Variants in CCSER1 observed in about 807,000 individuals in gnomAD.
The protein encoded by CCSER1 is serine-rich coiled-coil domain-containing protein 1.
In CCSER1, 41 loss-of-function variants were observed where a neutral mutation model predicts 82.0. That is an observed-to-expected ratio of 0.50 (90% CI 0.39 to 0.65). CCSER1 has a LOEUF of 0.65. Ranked by LOEUF, CCSER1 falls within the 30% of genes least tolerant of loss-of-function variation. The pLI is 0.00. For missense variants in CCSER1, 1,119 were observed against 1,064.2 expected, an observed-to-expected ratio of 1.05 and a Z score of -0.72; for synonymous variants, 414 against 383.9, an observed-to-expected ratio of 1.08 and a Z score of -0.92.
chr4:91,425,261 A>C (rs1283840031), intron 10 of CCSER1, among the ~76,000 whole-genome samples: 1 of 152,022 alleles, frequency 6.6e-6, no homozygotes, highest in East Asian at 1.9e-4. Context: ...GGAACTTTAA[A>C]CTTTTTTATC....
chr4:90,378,600 T>G (rs767114692), intron 3 of CCSER1, among the ~76,000 whole-genome samples: 3 of 152,158 alleles, frequency 2.0e-5, no homozygotes, highest in Non-Finnish European at 4.4e-5. Flanking sequence ...GAACCAGCAT[T>G]GAGGACATAA....
chr4:90,794,276 C>T (rs1169069205), intron 7 of CCSER1, among the ~76,000 whole-genome samples: 2 of 152,088 alleles, frequency 1.3e-5, no homozygotes, highest in Non-Finnish European at 2.9e-5. Context: ...AGTTGTCTTC[C>T]ATGGCTTTTA....
chr4:90,874,247 G>T (rs1021710738), intron 8 of CCSER1, among the ~76,000 whole-genome samples: 1 of 152,004 alleles, frequency 6.6e-6, no homozygotes, highest in Non-Finnish European at 1.5e-5. Flanking sequence ...TTTTCTTATG[G>T]TATGATTTCA....
chr4:90,758,213 A>G (rs1245478418), intron 7 of CCSER1, among the ~76,000 whole-genome samples: 1 of 152,176 alleles, frequency 6.6e-6, no homozygotes, highest in Non-Finnish European at 1.5e-5. Context: ...CTGGGATTAC[A>G]GGTGTGTAGT....
At chr4:91,227,919 G>T (rs1738332576) in intron 10 of CCSER1, among the ~76,000 whole-genome samples, 1 of 151,956 alleles carries the variant, frequency 6.6e-6, no homozygotes, top group African/African-American at 2.4e-5. Context: ...TGAAGAAAAA[G>T]AAATAAAAAG....
At chr4:90,672,316 A>T (rs568540287) in intron 6 of CCSER1, among the ~76,000 whole-genome samples, 1 of 152,032 alleles carries the variant, frequency 6.6e-6, no homozygotes, top group Non-Finnish European at 1.5e-5. Context: ...CAGCATCTTC[A>T]TCAACACTTA....
chr4:90,438,581 A>G (rs1249813630), intron 4 of CCSER1, among the ~76,000 whole-genome samples: 1 of 152,194 alleles, frequency 6.6e-6, no homozygotes, highest in East Asian at 1.9e-4. Flanking sequence ...GAAATGCTAA[A>G]TCATGCACTT....
intron 8 of CCSER1, among the ~76,000 whole-genome samples, chr4:90,833,063 C>T (rs548085678): frequency 6.6e-5 from 10 of 152,164 alleles, no homozygotes; most frequent in Admixed American, 3.3e-4. Flanking sequence ...GCGGCCATAA[C>T]GAAAGACTTG....
chr4:91,195,734 G>A (rs1407062625), intron 10 of CCSER1, among the ~76,000 whole-genome samples: 1 of 152,070 alleles, frequency 6.6e-6, no homozygotes, highest in African/African-American at 2.4e-5. Flanking sequence ...AATATTCAAA[G>A]ATTGTCTTTC....
chr4:90,133,921 G>A (rs1370606441), intron 1 of CCSER1, among the ~76,000 whole-genome samples: 1 of 152,066 alleles, frequency 6.6e-6, no homozygotes, highest in Non-Finnish European at 1.5e-5. Context: ...CCTTCATTCT[G>A]AGAATGTTTT....
chr4:90,329,966 T>G (rs940045605), intron 3 of CCSER1, among the ~76,000 whole-genome samples: 1 of 152,146 alleles, frequency 6.6e-6, no homozygotes, highest in Non-Finnish European at 1.5e-5. Context: ...TTTTGTCAAA[T>G]TTTAAGGTAA....
At chr4:90,193,725 A>G (rs963631717) in intron 1 of CCSER1, among the ~76,000 whole-genome samples, 6 of 152,034 alleles carry the variant, frequency 3.9e-5, no homozygotes, top group Non-Finnish European at 7.4e-5. Context: ...TTTTAACTGC[A>G]GGAAGACAAC....
chr4:91,108,493 T>C (rs1055534768), intron 10 of CCSER1, among the ~76,000 whole-genome samples: 1 of 152,224 alleles, frequency 6.6e-6, no homozygotes, highest in Non-Finnish European at 1.5e-5. Context: ...CATCTGCCTA[T>C]TAACTGATAC....
At chr4:90,391,272 C>CAAAAAA (rs1215360899) in intron 3 of CCSER1, among the ~76,000 whole-genome samples, 19 of 34,912 alleles carry the variant, frequency 5.4e-4, no homozygotes, top group African/African-American at 3.1e-3. Context: ...GACTCTGTCT[C>CAAAAAA]AAAAAAAAAA....
intron 3 of CCSER1, among the ~76,000 whole-genome samples, chr4:90,327,364 C>G (rs1417476830): frequency 2.0e-5 from 3 of 152,208 alleles, no homozygotes; most frequent in Non-Finnish European, 4.4e-5. Flanking sequence ...AACTGCTCAT[C>G]TACTTTAGAA....
intron 7 of CCSER1, among the ~76,000 whole-genome samples, chr4:90,808,952 C>T (rs948706845): frequency 6.6e-6 from 1 of 152,150 alleles, no homozygotes; most frequent in Non-Finnish European, 1.5e-5. Context: ...ATGTTTACCA[C>T]AGCACAATTC....
At position 90,871,867 on chromosome 4, in the gene CCSER1, A is replaced by G. The variant is rs573958093; in HGVS notation, c.2095-51503A>G. ...TAGTGTTGGGTGCATATATATATTTATAATTGTTAATATCCTCATGCTGTA... is the reference window on the plus strand; with the variant it reads ...TAGTGTTGGGTGCATATATATATTTGTAATTGTTAATATCCTCATGCTGTA... On this transcript the variant is annotated intron_variant, in intron 8 of 10. Coordinates refer to ENST00000509176, the MANE Select transcript of CCSER1 (RefSeq NM_001145065.2). 3.9e-5 allele frequency among the ~76,000 whole-genome samples: 6 copies of G among 151,944 alleles called. No individual in the cohort carries two copies. In the South Asian group the frequency reaches 1.2e-3, roughly 31 times the overall value.
intron 10 of CCSER1, among the ~76,000 whole-genome samples, chr4:91,341,342 A>G (rs1261474334): frequency 1.3e-5 from 2 of 152,166 alleles, no homozygotes; most frequent in Non-Finnish European, 2.9e-5. Context: ...AAAGCAGTGT[A>G]ATAGGGTGAT....
intron 1 of CCSER1, among the ~76,000 whole-genome samples, chr4:90,141,064 T>C (rs948012686): frequency 1.3e-5 from 1 of 74,154 alleles, no homozygotes; most frequent in Non-Finnish European, 2.8e-5. Flanking sequence ...ATCTATCTAT[T>C]GTCTGTCTAC....
Sources: gnomAD v4.1 joint callset for allele counts (sites outside exome capture counted in the v4.1 genomes callset) on GRCh38, gnomAD v4.1.1 for gene constraint, MANE v1.5 for transcripts, NCBI Gene and HGNC (gene_info 2026-07-23, HGNC 2026-07-21) for gene names.